OPCML: variants seen among roughly 807,000 people sequenced by gnomAD.
OPCML encodes the protein opioid-binding protein/cell adhesion molecule.
OPCML carries 13 observed loss-of-function variants against 37.8 expected under a neutral mutation model. That is an observed-to-expected ratio of 0.34 (90% confidence interval 0.22 to 0.55). The LOEUF (loss-of-function observed/expected upper bound fraction) is 0.55. OPCML is among the 20% of genes least tolerant of loss of function. OPCML has a pLI of 0.91. For missense variants in OPCML, 341 were observed against 435.6 expected, an observed-to-expected ratio of 0.78 and a Z score of 1.93; for synonymous variants, 176 against 168.8, an observed-to-expected ratio of 1.04 and a Z score of -0.33.
rs1300946779 is a variant in OPCML, at chr11:133,191,795, G to A, written c.62-248785C>T. On this transcript the variant is annotated intron_variant, in intron 1 of 7. Coordinates refer to ENST00000524381, the MANE Select transcript of OPCML (RefSeq NM_001012393.5). ...AGGTGTGAGCCCCCATGCCTGGCCTGTATCCTTTTCTTATCTCCAGCAATC... is the reference window on the plus strand; with the variant it reads ...AGGTGTGAGCCCCCATGCCTGGCCTATATCCTTTTCTTATCTCCAGCAATC... 5.3e-5 allele frequency among the ~76,000 whole-genome samples: 8 copies of A among 152,108 alleles called. 1 individual carries two copies. The highest frequency in any genetic ancestry group is 5.2e-4 in the Admixed American group (8 of 15,254).
chr11:133,369,717 C>T (rs1944631558), intron 1 of OPCML, among the ~76,000 whole-genome samples: 1 of 152,134 alleles, frequency 6.6e-6, no homozygotes, highest in Non-Finnish European at 1.5e-5. Flanking sequence ...CACATACACA[C>T]ACACTCACAC....
At chr11:133,252,286 C>T (rs1941159668) in intron 1 of OPCML, among the ~76,000 whole-genome samples, 1 of 152,174 alleles carries the variant, frequency 6.6e-6, no homozygotes, top group Non-Finnish European at 1.5e-5. Context: ...GCAAATTTCT[C>T]ATAATATTTA....
chr11:132,819,683 A>C (rs1464134592), intron 2 of OPCML, among the ~76,000 whole-genome samples: 3 of 152,220 alleles, frequency 2.0e-5, no homozygotes, highest in Non-Finnish European at 2.9e-5. Flanking sequence ...TTGTCTAGAC[A>C]TATGATATCA....
intron 3 of OPCML, among the ~76,000 whole-genome samples, chr11:132,576,301 T>A (rs909798951): frequency 4.0e-5 from 6 of 151,882 alleles, no homozygotes; most frequent in African/African-American, 1.5e-4. Context: ...GTCCTTTAAG[T>A]TTTTTTTAAA....
intron 1 of OPCML, among the ~76,000 whole-genome samples, chr11:133,023,473 C>T (rs1294677758): frequency 6.6e-6 from 1 of 152,166 alleles, no homozygotes; most frequent in African/African-American, 2.4e-5. Flanking sequence ...AATGTACTCA[C>T]CCTCACTATC....
chr11:132,518,367 G>T (rs142888642), intron 4 of OPCML, among the ~76,000 whole-genome samples: 4,664 of 152,246 alleles, frequency 0.031, 123 homozygotes, highest in South Asian at 0.043. Context: ...GAGGATGATG[G>T]CTTCCAGCTT....
At chr11:132,534,526 A>T (rs2096335058) in intron 3 of OPCML, among the ~76,000 whole-genome samples, 1 of 152,212 alleles carries the variant, frequency 6.6e-6, no homozygotes, top group South Asian at 2.1e-4. Context: ...GCTTTCCCAA[A>T]GATGAAACAT....
chr11:133,169,818 G>A (rs1486036272), intron 1 of OPCML, among the ~76,000 whole-genome samples: 1 of 152,090 alleles, frequency 6.6e-6, no homozygotes, highest in Admixed American at 6.6e-5. Flanking sequence ...ACTTAGAATG[G>A]TGATATATGT....
intron 1 of OPCML, among the ~76,000 whole-genome samples, chr11:133,458,049 G>C (rs1183031173): frequency 6.6e-6 from 1 of 151,944 alleles, no homozygotes; most frequent in Non-Finnish European, 1.5e-5. Flanking sequence ...GGGAAGCTGA[G>C]GCAGTAGAAT....
Position 133,454,157 on chromosome 11 carries a change from C to T in OPCML, c.61+78107G>A, listed in dbSNP as rs147095394. Among the ~76,000 whole-genome samples, 17 of 152,302 alleles carry T rather than the reference C, an allele frequency of 1.1e-4. No homozygotes were observed. In the East Asian group the frequency reaches 3.3e-3, roughly 29 times the overall value. On this transcript the variant is annotated intron_variant, in intron 1 of 7. Coordinates refer to ENST00000524381, the MANE Select transcript of OPCML (RefSeq NM_001012393.5). ...ATTTGTTTCTAGGGTCATGATAGTT[C>T]TGTGGAAATCAAGTTTCATTTTTGT...
intron 2 of OPCML, among the ~76,000 whole-genome samples, chr11:132,858,776 G>A (rs1189569802): frequency 2.0e-5 from 3 of 152,162 alleles, no homozygotes; most frequent in Non-Finnish European, 4.4e-5. Context: ...TGTAAGCCAC[G>A]TTATTATGAA....
intron 2 of OPCML, among the ~76,000 whole-genome samples, chr11:132,696,567 G>A (rs1011653769): frequency 6.6e-6 from 1 of 152,050 alleles, no homozygotes; most frequent in Non-Finnish European, 1.5e-5. Context: ...CAAGCCCATG[G>A]AATTAAAAAT....
chr11:132,632,241 A>ATTTT (rs67176157), intron 3 of OPCML, among the ~76,000 whole-genome samples: 40 of 111,562 alleles, frequency 3.6e-4, no homozygotes, highest in African/African-American at 1.3e-3. Context: ...ATTCAAACAC[A>ATTTT]TTTTTTTTTT....
chr11:133,273,209 T>C (rs1351105458), intron 1 of OPCML, among the ~76,000 whole-genome samples: 4 of 152,134 alleles, frequency 2.6e-5, no homozygotes, highest in Admixed American at 2.0e-4. Flanking sequence ...GCACCTTCTC[T>C]TAGGCACCTG....
At chr11:133,082,041 G>A (rs974160739) in intron 1 of OPCML, among the ~76,000 whole-genome samples, 43 of 152,176 alleles carry the variant, frequency 2.8e-4, no homozygotes, top group African/African-American at 1.0e-3. Context: ...CTTCTAGCGC[G>A]CGTTCTTTAC....
At chr11:132,810,392 C>T (rs1419785601) in intron 2 of OPCML, among the ~76,000 whole-genome samples, 1 of 152,140 alleles carries the variant, frequency 6.6e-6, no homozygotes, top group East Asian at 1.9e-4. Context: ...CAAGCACCAG[C>T]ATGTCTAGAC....
intron 1 of OPCML, among the ~76,000 whole-genome samples, chr11:133,241,232 C>T (rs948912075): frequency 1.3e-5 from 2 of 152,218 alleles, no homozygotes; most frequent in Admixed American, 6.5e-5. Flanking sequence ...CGTTAACACT[C>T]GGTTGTTAGA....
At chr11:132,461,313 AC>A (rs1455906116) in intron 4 of OPCML, among the ~76,000 whole-genome samples, 1 of 152,066 alleles carries the variant, frequency 6.6e-6, no homozygotes, top group African/African-American at 2.4e-5. Context: ...TGAGTTGACC[AC>A]CAATGGCCAA....
At chr11:132,976,404 TCTC>T (rs747167198) in intron 1 of OPCML, among the ~76,000 whole-genome samples, 22 of 152,260 alleles carry the variant, frequency 1.4e-4, no homozygotes, top group Middle Eastern at 3.4e-3. Flanking sequence ...ATCAGAAAGA[TCTC>T]CTATAAAAAA....
Sources: allele counts gnomAD v4.1 joint callset (sites outside exome capture counted in the v4.1 genomes callset), GRCh38; gene constraint gnomAD v4.1.1; transcripts MANE v1.5; gene names NCBI Gene and HGNC (gene_info 2026-07-23, HGNC 2026-07-21).